The following CELF1 variants were observed in gnomAD, a reference collection of about 807,000 sequenced individuals.
The protein encoded by CELF1 is CUGBP Elav-like family member 1.
Under a neutral mutation model 61.8 loss-of-function variants are expected in CELF1, and 10 were observed. The observed-to-expected ratio is 0.16, with a 90% CI of 0.10 to 0.27. The LOEUF is 0.27. CELF1 is among the 10% of genes least tolerant of loss of function. CELF1 has a pLI of 1.00. For synonymous variants in CELF1, 236 were observed against 225.1 expected, an observed-to-expected ratio of 1.05 and a Z score of -0.43; for missense variants, 380 against 639.1, an observed-to-expected ratio of 0.59 and a Z score of 4.37.
At chr11:47,554,243 C>T (rs2097196148), upstream of CELF1, among the ~76,000 whole-genome samples, 1 of 152,110 alleles carries the variant, frequency 6.6e-6, no homozygotes, top group Admixed American at 6.6e-5. Flanking sequence ...TTAAATTGTA[C>T]ATGATCATAT....
chr11:47,500,949 C>A lies in CELF1; in HGVS notation c.-153-17G>T. ...ATGTTCAGCCTGCAAAGAAGTAAAACGAATGAACTACTAAACACACAGAGT... is the reference window on the plus strand; with the variant it reads ...ATGTTCAGCCTGCAAAGAAGTAAAAAGAATGAACTACTAAACACACAGAGT... On this transcript the variant is annotated splice_polypyrimidine_tract_variant and intron_variant, in intron 1 of 14. Transcript: ENST00000687097. The A allele has an allele frequency of 2.5e-6, 1 of 397,174 alleles. No individual in the cohort carries two copies. 24.6% of individuals were successfully genotyped at this position (397,174 alleles called of 1,614,324 possible). A position where few individuals can be genotyped will look rare whatever the true frequency, so the allele number is the denominator to read the frequency against.
At chr11:47,509,817 A>G (rs1032083047) in intron 1 of CELF1, among the ~76,000 whole-genome samples, 1 of 151,632 alleles carries the variant, frequency 6.6e-6, no homozygotes, top group Non-Finnish European at 1.5e-5. Context: ...ACTTGAGGTC[A>G]GGAATTCAAG....
chr11:47,471,254 G>T lies in CELF1; in HGVS notation c.*976C>A, dbSNP rs1359150190. 6.6e-6 allele frequency: 1 copy of T among 152,228 alleles called. No homozygotes were observed. Among genetic ancestry groups the T allele is most frequent in the Non-Finnish European group, 1.5e-5 (1 of 68,064 alleles). The allele number at this position is 152,228 out of a possible 1,614,324, so 9.4% of individuals were successfully genotyped here. Reference sequence around the variant, plus strand: ...GTACCCCCTTCAGCAAGAACTGCAAGCCCTTCTTGGATTTGCCTTCATGAG... The same window carrying T: ...GTACCCCCTTCAGCAAGAACTGCAATCCCTTCTTGGATTTGCCTTCATGAG... On this transcript the variant is annotated 3_prime_UTR_variant, in exon 15 of 15. Coordinates refer to ENST00000687097, the MANE Select transcript of CELF1 (RefSeq NM_001376376.1).
chr11:47,487,684 G>C (rs2088370713), intron 4 of CELF1, among the ~76,000 whole-genome samples: 1 of 152,180 alleles, frequency 6.6e-6, no homozygotes, highest in Admixed American at 6.5e-5. Context: ...TTCGTAGCCA[G>C]ATTCTACCAT....
At chr11:47,518,084 A>C (rs1367181062) in intron 1 of CELF1, among the ~76,000 whole-genome samples, 2 of 152,190 alleles carry the variant, frequency 1.3e-5, no homozygotes, top group African/African-American at 4.8e-5. Context: ...TGGAACTATA[A>C]AGCACAAAGT....
chr11:47,478,797 A>T, intron 10 of CELF1, 80 bp downstream of exon 10: 2 of 1,163,042 alleles, frequency 1.7e-6, no homozygotes, highest in Non-Finnish European at 2.5e-6. Flanking sequence ...CACAGAAACG[A>T]TGCCAAACTC....
intron 9 of CELF1, among the ~76,000 whole-genome samples, chr11:47,481,102 CTTTTTTTTTTT>C (rs1187959061): frequency 2.2e-3 from 154 of 71,438 alleles, no homozygotes; most frequent in African/African-American, 8.5e-3. Flanking sequence ...TTTTCTTCTT[CTTTTTTTTTTT>C]TTTTTTTTTT....
rs1264119307 is a variant in CELF1, at chr11:47,483,550, A to G, written c.527-18T>C. ...TGCACAACCTGGTAAGAGAAGAGTC[A>G]GTAACTCATGCATTCATTTATTTCT... is the stretch of plus-strand genomic sequence containing the variant. On this transcript the variant is annotated intron_variant, in intron 7 of 14. Transcript: ENST00000687097. The G allele has an allele frequency of 2.5e-6, 4 of 1,587,906 alleles. No homozygotes were observed. Among genetic ancestry groups the G allele is most frequent in the African/African-American group, 1.3e-5 (1 of 74,424 alleles).
intron 1 of CELF1, among the ~76,000 whole-genome samples, chr11:47,539,486 C>T (rs975183800): frequency 1.3e-5 from 2 of 152,066 alleles, no homozygotes; most frequent in Non-Finnish European, 2.9e-5. Context: ...AACCCTGTTT[C>T]TACTAAAAAT....
At chr11:47,483,352 T>G in intron 8 of CELF1, 101 bp downstream of exon 8, 1 of 876,580 alleles carries the variant, frequency 1.1e-6, no homozygotes, top group Non-Finnish European at 1.9e-6. Context: ...TGTTTAACCT[T>G]CTGGGCAATC....
Position 47,532,041 on chromosome 11 carries a change from T to A in CELF1, c.-154+20951A>T, listed in dbSNP as rs191526599. Among the ~76,000 whole-genome samples, 1,163 of 152,158 alleles carry A rather than the reference T, an allele frequency of 7.6e-3. 36 individuals carry two copies. Among genetic ancestry groups the A allele is most frequent in the Admixed American group, 0.061 (938 of 15,268 alleles). On this transcript the variant is annotated intron_variant, in intron 1 of 14. Coordinates refer to ENST00000687097, the MANE Select transcript of CELF1 (RefSeq NM_001376376.1). Reference sequence around the variant, plus strand: ...TACAACTGCTCTTATTTTTATTTTTTTTTTTTTGAGACAGAGTCTCGCTCT... The same window carrying A: ...TACAACTGCTCTTATTTTTATTTTTATTTTTTTGAGACAGAGTCTCGCTCT...
chr11:47,482,882 T>A, intron 8 of CELF1, 26 bp from the exon 9 acceptor site: 1 of 1,593,032 alleles, frequency 6.3e-7, no homozygotes, highest in Admixed American at 1.8e-5. Context: ...AACGAAAGGG[T>A]CAAATTCCTC....
intron 1 of CELF1, among the ~76,000 whole-genome samples, chr11:47,541,752 A>C (rs1468660562): frequency 0.031 from 314 of 10,004 alleles, 47 homozygotes; most frequent in African/African-American, 0.068. Context: ...GAAAGAAAGA[A>C]AGAACGAAAG....
intron 1 of CELF1, among the ~76,000 whole-genome samples, chr11:47,547,855 C>T (rs1342114714): frequency 6.6e-6 from 1 of 151,936 alleles, no homozygotes; most frequent in Non-Finnish European, 1.5e-5. Context: ...AGATTAGAGG[C>T]TACCAGAGGC....
At chr11:47,517,823 T>A (rs547481249) in intron 1 of CELF1, among the ~76,000 whole-genome samples, 2 of 152,296 alleles carry the variant, frequency 1.3e-5, no homozygotes, top group Non-Finnish European at 2.9e-5. Context: ...CAGCTACTTT[T>A]TTGTATTTTT....
intron 1 of CELF1, among the ~76,000 whole-genome samples, chr11:47,528,591 C>T (rs1213107621): frequency 6.6e-6 from 1 of 151,676 alleles, no homozygotes; most frequent in African/African-American, 2.4e-5. Context: ...TGCACTCCAG[C>T]ATGGAAAAAA....
At chr11:47,484,339 C>G in intron 7 of CELF1, 50 bp downstream of exon 7, 1 of 1,579,158 alleles carries the variant, frequency 6.3e-7, no homozygotes, top group East Asian at 2.2e-5. Flanking sequence ...AACCCCAAAC[C>G]AAACCAAAAC....
At position 47,468,764 on chromosome 11, in the gene CELF1, C is replaced by A. The variant is rs1296410707; in HGVS notation, c.*3466G>T. On this transcript the variant is annotated 3_prime_UTR_variant, in exon 15 of 15. Transcript: ENST00000687097. ...ACATAATAAAAATACACATCAGCAT[C>A]AAAGGTCAACACAAGGTCAAAGGTG... The A allele has an allele frequency of 5.3e-5, 8 of 152,280 alleles. No homozygotes were observed. Among genetic ancestry groups the A allele is most frequent in the Non-Finnish European group, 1.0e-4 (7 of 67,948 alleles). The allele number at this position is 152,280 out of a possible 1,614,324, so 9.4% of individuals were successfully genotyped here. A position where few individuals can be genotyped will look rare whatever the true frequency, so the allele number is the denominator to read the frequency against.
chr11:47,479,059 G>T, intron 9 of CELF1, 107 bp from the exon 10 acceptor site: 1 of 846,090 alleles, frequency 1.2e-6, no homozygotes, highest in Non-Finnish European at 1.9e-6. Context: ...CCCCCAGAGA[G>T]AAGAAAGTCA....
Sources: gnomAD v4.1 joint callset for allele counts (sites outside exome capture counted in the v4.1 genomes callset) on GRCh38, gnomAD v4.1.1 for gene constraint, MANE v1.5 for transcripts, NCBI Gene and HGNC (gene_info 2026-07-23, HGNC 2026-07-21) for gene names.